COL9A3: variants seen among roughly 807,000 people sequenced by gnomAD.
COL9A3 encodes the protein collagen type IX alpha 3 chain, also known as collagen alpha-3(IX) chain.
A neutral mutation model predicts 110.2 loss-of-function variants in COL9A3; 82 were observed. The observed-to-expected ratio is 0.74, with a 90% CI of 0.62 to 0.89. The LOEUF (loss-of-function observed/expected upper bound fraction) is 0.89, where lower values mean the gene tolerates loss of function less well. COL9A3 is among the 40% of genes least tolerant of loss of function. The probability of loss-of-function intolerance (pLI) is 0.00; values close to 1 mark genes in which losing one functional copy is unlikely to be tolerated. For missense variants in COL9A3, 1,066 were observed against 981.3 expected (o/e 1.09, Z -1.15); for synonymous variants, 494 against 403.8 (o/e 1.22, Z -2.68).
In COL9A3 at chr20:62,837,191, T is replaced by A. The variant is rs776019119; in HGVS notation, c.1712T>A (p.Ile571Asn). The A allele has an allele frequency of 6.2e-7, 1 of 1,612,634 alleles. No individual in the cohort carries two copies. The highest frequency in any genetic ancestry group is 1.7e-5 in the Admixed American group (1 of 60,014). ...GGGCCCCCAGGACCCCCAGGCTCCA[T>A]TGGTCACCCTGGCGCTCGAGGACCC... ...PPGPPGPPGSIGHPGARGPPG... is the reference protein window; with the variant it reads ...PPGPPGPPGSNGHPGARGPPG... Residue 571 changes from isoleucine to asparagine, a missense_variant, in exon 30 of 32, where the codon ATT becomes AAT. Ile to Asn is a moderately radical substitution (Grantham distance 149). Coordinates refer to ENST00000649368, the MANE Select transcript of COL9A3 (RefSeq NM_001853.4).
At chr20:62,819,903 C>T (rs771015125) in intron 4 of COL9A3, 26 bp from the exon 5 acceptor site, 24 of 1,612,464 alleles carry the variant, frequency 1.5e-5, no homozygotes, top group African/African-American at 9.3e-5. Context: ...TGTGGCCCCT[C>T]GAGCTCGCCC....
At chr20:62,835,716 T>A (rs1351895460) in intron 26 of COL9A3, among the ~76,000 whole-genome samples, 1 of 152,218 alleles carries the variant, frequency 6.6e-6, no homozygotes, top group African/African-American at 2.4e-5. Context: ...CCCAGGAAAG[T>A]AAGTTTTTAA....
At chr20:62,840,230 T>C (rs73613593) in intron 31 of COL9A3, among the ~76,000 whole-genome samples, 8,288 of 142,930 alleles carry the variant, frequency 0.058, 281 homozygotes, top group East Asian at 0.15. Flanking sequence ...CCGGGCCCCC[T>C]GCTCACTCCA....
chr20:62,817,389 G>C (rs1015162241), intron 1 of COL9A3, 178 bp from the exon 2 acceptor site: 4 of 536,888 alleles, frequency 7.5e-6, no homozygotes, highest in Non-Finnish European at 1.3e-5. Context: ...TCCCGCCGCC[G>C]GAGGGAGGCG....
At chr20:62,822,076 G>T in intron 8 of COL9A3, 35 bp from the exon 9 acceptor site, 2 of 1,362,140 alleles carry the variant, frequency 1.5e-6, no homozygotes, top group Non-Finnish European at 2.1e-6. Context: ...GGTGGGGGCT[G>T]GTCCCACTCT....
At chr20:62,821,335 C>T in intron 6 of COL9A3, 119 bp downstream of exon 6, 1 of 1,346,580 alleles carries the variant, frequency 7.4e-7, no homozygotes, top group Middle Eastern at 1.9e-4. Flanking sequence ...CATCTGCAGC[C>T]TCTCCGGAGG....
chr20:62,834,487 T>G (rs2063620257), intron 26 of COL9A3, among the ~76,000 whole-genome samples: 1 of 151,628 alleles, frequency 6.6e-6, no homozygotes, highest in South Asian at 2.1e-4. Flanking sequence ...CCGAGGGGGG[T>G]TTTCATCTAT....
chr20:62,831,437 T>G (rs2063596339), intron 24 of COL9A3: 1 of 153,102 alleles, frequency 6.5e-6, no homozygotes, highest in Non-Finnish European at 1.5e-5. Context: ...AGGACACGGC[T>G]GCAGATGCCC....
intron 3 of COL9A3, 127 bp downstream of exon 3, chr20:62,818,680 A>T (rs1219516515): frequency 2.0e-6 from 2 of 988,292 alleles, no homozygotes; most frequent in Non-Finnish European, 3.2e-6. Context: ...GGGAGGCCTC[A>T]GAGGGCTTGG....
In COL9A3 at chr20:62,827,941, G is replaced by C; in HGVS notation, c.865G>C (p.Gly289Arg). The change falls in exon 17 of 32, where the codon GGA (glycine) becomes CGA (arginine). Residue 289 changes from glycine (G) to arginine (R), a missense_variant. Gly to Arg is a moderately radical substitution (Grantham distance 125, BLOSUM62 -2). Transcript: ENST00000649368. Reference protein sequence around the residue: ...KGDLGRPGPKGTPGVAGPSGE... With the variant: ...KGDLGRPGPKRTPGVAGPSGE... ...CCTCTAGGGCAGACCTGGTCCCAAG[G>C]GAACCCCCGGAGTGGCCGGGCCAAG... 1 of 1,613,004 alleles carries C rather than the reference G, an allele frequency of 6.2e-7. No individual in the cohort carries two copies. The highest frequency in any genetic ancestry group is 1.6e-4 in the Middle Eastern group (1 of 6,062).
chr20:62,826,997 T>C (rs1568755449), intron 15 of COL9A3, among the ~76,000 whole-genome samples, 177 bp downstream of exon 15: 1 of 152,104 alleles, frequency 6.6e-6, no homozygotes, highest in Non-Finnish European at 1.5e-5. Context: ...TGGAATCCAT[T>C]CTTTGTGAGA....
chr20:62,828,126 A>G lies in COL9A3; in HGVS notation c.900+150A>G, dbSNP rs565385560. On this transcript the variant is annotated intron_variant, in intron 17 of 31. Coordinates refer to ENST00000649368, the MANE Select transcript of COL9A3 (RefSeq NM_001853.4). ...AACGGTGGAACAGCCCCGCAGCCCC[A>G]CACATTTCTCTCTTGCCCAGAGCCT... is the stretch of plus-strand genomic sequence containing the variant. 7.4e-6 allele frequency: 6 copies of G among 814,770 alleles called. 1 individual carries two copies. The South Asian group carries it at 8.8e-5, about 12-fold the overall frequency. The allele number at this position is 814,770 out of a possible 1,614,324, so 50.5% of individuals were successfully genotyped here.
At chr20:62,819,096 C>A in intron 3 of COL9A3, 126 bp from the exon 4 acceptor site, 1 of 957,920 alleles carries the variant, frequency 1.0e-6, no homozygotes, top group Non-Finnish European at 1.7e-6. Flanking sequence ...TAGGGGGGAC[C>A]CAGGAGAGGG....
At chr20:62,828,429 G>A (rs3787516) in intron 17 of COL9A3, among the ~76,000 whole-genome samples, 1 of 152,252 alleles carries the variant, frequency 6.6e-6, no homozygotes, top group East Asian at 1.9e-4. Flanking sequence ...GGGTGGACGA[G>A]GCAGGCCTGG....
At chr20:62,818,000 T>G in intron 2 of COL9A3, 1 of 377,014 alleles carries the variant, frequency 2.7e-6, no homozygotes, top group Non-Finnish European at 5.1e-6. Flanking sequence ...TGCTGGGCTC[T>G]GGAGCCAGCC....
In COL9A3 at chr20:62,841,112, G is replaced by A; in HGVS notation, c.*380G>A. ...ACCTTCAGATTAATGACTGGCTACA[G>A]AGTAACAAAAAATAAAGAATTTAAT... is the stretch of plus-strand genomic sequence containing the variant. On this transcript the variant is annotated 3_prime_UTR_variant, in exon 32 of 32. Coordinates refer to ENST00000649368, the MANE Select transcript of COL9A3 (RefSeq NM_001853.4). The A allele has an allele frequency of 4.4e-6, 1 of 224,852 alleles. No homozygotes were observed. Among genetic ancestry groups the A allele is most frequent in the Non-Finnish European group, 9.0e-6 (1 of 111,402 alleles). The allele number at this position is 224,852 out of a possible 1,614,324, so 13.9% of individuals were successfully genotyped here. A position where few individuals can be genotyped will look rare whatever the true frequency, so the allele number is the denominator to read the frequency against.
chr20:62,818,650 C>G (rs767327106), intron 3 of COL9A3, 97 bp downstream of exon 3: 3 of 1,353,496 alleles, frequency 2.2e-6, no homozygotes, highest in Non-Finnish European at 3.2e-6. Flanking sequence ...CTCATCCTGC[C>G]GGAGCCCGGG....
At chr20:62,819,498 T>C (rs767159685) in intron 4 of COL9A3, among the ~76,000 whole-genome samples, 1 of 152,342 alleles carries the variant, frequency 6.6e-6, no homozygotes, top group African/African-American at 2.4e-5. Context: ...GCCAGCCCAG[T>C]GGAGTCGGAA....
upstream of COL9A3, chr20:62,816,928 C>A (rs1477155174): frequency 1.0e-5 from 4 of 389,548 alleles, no homozygotes; most frequent in Admixed American, 5.2e-5. Context: ...GAAGCCCCCC[C>A]GCCCAGGTGG....
Sources: allele counts gnomAD v4.1 joint callset (sites outside exome capture counted in the v4.1 genomes callset), GRCh38; gene constraint gnomAD v4.1.1; transcripts MANE v1.5; gene names NCBI Gene and HGNC (gene_info 2026-07-23, HGNC 2026-07-21).